Variants in FAM171A1 observed in about 807,000 individuals in gnomAD.
FAM171A1 encodes the protein family with sequence similarity 171 member A1.
In FAM171A1, 23 loss-of-function variants were observed where a neutral mutation model predicts 74.9. The ratio of observed to expected loss-of-function variants is 0.31; its 90% CI spans 0.22 to 0.44. The LOEUF (loss-of-function observed/expected upper bound fraction) is 0.44, where lower values mean the gene tolerates loss of function less well. FAM171A1 is among the 20% of genes least tolerant of loss of function. The probability of loss-of-function intolerance (pLI) is 1.00; values close to 1 mark genes in which losing one functional copy is unlikely to be tolerated. For synonymous variants in FAM171A1, 527 were observed against 505.7 expected, an observed-to-expected ratio of 1.04 and a Z score of -0.57; for missense variants, 1,162 against 1,159.2, an observed-to-expected ratio of 1.00 and a Z score of -0.03.
chr10:15,370,165 G>A (rs1836119123), intron 1 of FAM171A1, among the ~76,000 whole-genome samples: 1 of 151,736 alleles, frequency 6.6e-6, no homozygotes, highest in African/African-American at 2.4e-5. Flanking sequence ...CCCAGGGCTG[G>A]AAAGCAGATT....
intron 3 of FAM171A1, among the ~76,000 whole-genome samples, chr10:15,262,136 T>A (rs976640601): frequency 6.6e-6 from 1 of 151,952 alleles, no homozygotes; most frequent in Non-Finnish European, 1.5e-5. Flanking sequence ...ATCAATGAGT[T>A]TGGATTTGTG....
chr10:15,239,864 G>T (rs977878005), intron 5 of FAM171A1, among the ~76,000 whole-genome samples: 1 of 152,174 alleles, frequency 6.6e-6, no homozygotes, highest in Non-Finnish European at 1.5e-5. Flanking sequence ...TTGGATTTTG[G>T]AATATTTGCA....
At position 15,239,495 on chromosome 10, in the gene FAM171A1, G is replaced by A. The variant is rs547199765; in HGVS notation, c.754+9144C>T. On this transcript the variant is annotated intron_variant, in intron 5 of 7. Coordinates refer to ENST00000378116, the MANE Select transcript of FAM171A1 (RefSeq NM_001010924.2). ...TTTTTGTATTTTTAGTAGAGATGGG[G>A]TTTCACTATGTTGACCAGGCTGGCC... Among the ~76,000 whole-genome samples the A allele has an allele frequency of 2.0e-5, 3 of 151,782 alleles. No homozygotes were observed. The South Asian group carries it at 6.3e-4, about 32-fold the overall frequency.
chr10:15,317,836 G>T (rs558763423), intron 1 of FAM171A1, among the ~76,000 whole-genome samples: 2 of 152,162 alleles, frequency 1.3e-5, no homozygotes, highest in South Asian at 4.2e-4. Flanking sequence ...TGTTGCCCAG[G>T]CTGGAGTGCA....
intron 5 of FAM171A1, among the ~76,000 whole-genome samples, chr10:15,247,163 A>G (rs1466890953): frequency 6.6e-6 from 1 of 152,240 alleles, no homozygotes; most frequent in Non-Finnish European, 1.5e-5. Flanking sequence ...GAAGTATGAT[A>G]TATCCACAGG....
In FAM171A1 at chr10:15,213,047, T is replaced by C; in HGVS notation, c.2541A>G (p.Ala847=). The C allele has an allele frequency of 6.2e-7, 1 of 1,614,034 alleles. No individual in the cohort carries two copies. The highest frequency in any genetic ancestry group is 8.5e-7 in the Non-Finnish European group (1 of 1,179,990). Reference sequence around the variant, plus strand: ...CAGATCTTCTCTGGTGGGGGCTGGCTGCTGGCTCCGAGGGGGCATCCGCAG... The same window carrying C: ...CAGATCTTCTCTGGTGGGGGCTGGCCGCTGGCTCCGAGGGGGCATCCGCAG... ...RRTADAPSEP[A]ASPHQRRSAH... is the part of the protein sequence containing the mutation. Residue 847 remains alanine (A), a synonymous_variant, in exon 8 of 8, where the codon GCA becomes GCG. Transcript: ENST00000378116. The surrounding 1 kb of genome is among the most constrained non-coding windows in gnomAD (Gnocchi z 6.8).
chr10:15,220,465 C>T (rs1428811069), intron 6 of FAM171A1, among the ~76,000 whole-genome samples: 1 of 152,154 alleles, frequency 6.6e-6, no homozygotes, highest in Non-Finnish European at 1.5e-5. Context: ...TGCACATATC[C>T]TAAATGGAGG....
intron 5 of FAM171A1, among the ~76,000 whole-genome samples, chr10:15,224,135 T>C (rs776888932): frequency 1.3e-5 from 2 of 151,682 alleles, no homozygotes; most frequent in African/African-American, 4.8e-5. Context: ...TGTAGAAGGA[T>C]TGGGATGAGT....
chr10:15,248,564 G>C lies in FAM171A1; in HGVS notation c.754+75C>G. The C allele has an allele frequency of 2.7e-6, 4 of 1,461,562 alleles. No individual in the cohort carries two copies. The South Asian group carries it at 5.7e-5, about 21-fold the overall frequency. 90.5% of individuals were successfully genotyped at this position (1,461,562 alleles called of 1,614,324 possible). ...GACTTCAAGGAAAGGAGACTTCCAT[G>C]AGCTTCTTAGAAGGAAAACCAAACA... On this transcript the variant is annotated intron_variant, in intron 5 of 7. Transcript: ENST00000378116.
intron 5 of FAM171A1, among the ~76,000 whole-genome samples, chr10:15,228,935 C>T (rs955555484): frequency 1.3e-5 from 2 of 152,132 alleles, no homozygotes; most frequent in African/African-American, 4.8e-5. Context: ...TAAATGGCCT[C>T]GTCATTTAAG....
intron 1 of FAM171A1, among the ~76,000 whole-genome samples, chr10:15,356,837 G>A (rs897616455): frequency 1.3e-5 from 2 of 151,990 alleles, no homozygotes; most frequent in Admixed American, 1.3e-4. Context: ...CAGGTGTGGT[G>A]GTGGGTACCT....
intron 1 of FAM171A1, among the ~76,000 whole-genome samples, chr10:15,285,990 C>T (rs1289494509): frequency 6.6e-6 from 1 of 152,220 alleles, no homozygotes; most frequent in Non-Finnish European, 1.5e-5. Context: ...AGCCATGTAG[C>T]CTTGGGCAGT....
chr10:15,284,791 C>A (rs1835015748), intron 1 of FAM171A1, among the ~76,000 whole-genome samples: 1 of 152,120 alleles, frequency 6.6e-6, no homozygotes, highest in Non-Finnish European at 1.5e-5. Flanking sequence ...GCTGCCGTAT[C>A]CTTCTCTAGT....
chr10:15,339,112 C>G (rs1835735263), intron 1 of FAM171A1, among the ~76,000 whole-genome samples: 2 of 152,132 alleles, frequency 1.3e-5, no homozygotes, highest in South Asian at 4.1e-4. Context: ...TTTAAAATAT[C>G]CACACCTGGC....
chr10:15,325,344 C>A (rs141683149), intron 1 of FAM171A1, among the ~76,000 whole-genome samples: 49 of 152,020 alleles, frequency 3.2e-4, no homozygotes, highest in African/African-American at 1.2e-3. Flanking sequence ...CTCGTCTCTA[C>A]GAAAAATACA....
chr10:15,370,233 G>A (rs1488728397), intron 1 of FAM171A1, among the ~76,000 whole-genome samples: 1 of 146,680 alleles, frequency 6.8e-6, no homozygotes, highest in Non-Finnish European at 1.5e-5. Context: ...ATCTGGAAAG[G>A]ATTTTTCTTT....
At chr10:15,363,070 A>G (rs1184251320) in intron 1 of FAM171A1, among the ~76,000 whole-genome samples, 1 of 152,252 alleles carries the variant, frequency 6.6e-6, no homozygotes, top group Admixed American at 6.5e-5. Flanking sequence ...AAAACAGGTC[A>G]GCTACAGATG....
chr10:15,364,748 T>C (rs1008970981), intron 1 of FAM171A1, among the ~76,000 whole-genome samples: 1 of 152,244 alleles, frequency 6.6e-6, no homozygotes, highest in Admixed American at 6.5e-5. Flanking sequence ...TTGCCTTTTC[T>C]GGCTTCTAGA....
At chr10:15,266,567 A>G (rs1306540221) in intron 3 of FAM171A1, among the ~76,000 whole-genome samples, 1 of 151,832 alleles carries the variant, frequency 6.6e-6, no homozygotes, top group Non-Finnish European at 1.5e-5. Flanking sequence ...AAAGAAAAAC[A>G]CTCAGAAGGG....
Sources: gnomAD v4.1 joint callset for allele counts (sites outside exome capture counted in the v4.1 genomes callset) on GRCh38, gnomAD v4.1.1 for gene constraint, Gnocchi (gnomAD v3.1) non-coding constraint, MANE v1.5 for transcripts, NCBI Gene and HGNC (gene_info 2026-07-23, HGNC 2026-07-21) for gene names.